Variants in ESR2 observed in about 807,000 individuals in gnomAD.
ESR2 encodes estrogen receptor beta.
Under a neutral mutation model 49.6 loss-of-function variants are expected in ESR2, and 36 were observed. That is an observed-to-expected ratio of 0.73 (90% confidence interval 0.56 to 0.96). The LOEUF is 0.96. Ranked by LOEUF, ESR2 falls within the 40% of genes least tolerant of loss-of-function variation. The pLI, the probability that ESR2 is intolerant of heterozygous loss-of-function variation, is 0.00. For missense variants in ESR2, 714 were observed against 693.0 expected (o/e 1.03, Z -0.34); for synonymous variants, 320 against 266.1 (o/e 1.20, Z -1.97).
intron 6 of ESR2, among the ~76,000 whole-genome samples, chr14:64,251,875 A>G (rs1278174221): frequency 1.3e-5 from 2 of 152,286 alleles, no homozygotes; most frequent in Non-Finnish European, 2.9e-5. Context: ...CGTAAATGAC[A>G]GCCCAGTAAA....
At chr14:64,302,098 G>A (rs972434618) in intron 1 of ESR2, among the ~76,000 whole-genome samples, 1 of 152,128 alleles carries the variant, frequency 6.6e-6, no homozygotes, top group Non-Finnish European at 1.5e-5. Flanking sequence ...GTAATTTGCA[G>A]CAGTGTTTCT....
chr14:64,268,974 G>C, intron 3 of ESR2, 63 bp from the exon 4 acceptor site: 1 of 944,478 alleles, frequency 1.1e-6, no homozygotes, highest in Non-Finnish European at 1.7e-6. Flanking sequence ...ATCTCTTCCT[G>C]GTCAACAACA....
Position 64,231,572 on chromosome 14 carries a change from T to C in ESR2, c.*1565A>G, listed in dbSNP as rs2098727269. ...TAAAATTGCACCAATATCAAAATTA[T>C]GGATTATTCGAGGTCTTACTAGCAA... On this transcript the variant is annotated 3_prime_UTR_variant, in exon 9 of 9. Transcript: ENST00000341099. 1 of 152,232 alleles carries C rather than the reference T, an allele frequency of 6.6e-6. No individual in the cohort carries two copies. Among genetic ancestry groups the C allele is most frequent in the Non-Finnish European group, 1.5e-5 (1 of 68,048 alleles). The allele number at this position is 152,232 out of a possible 1,614,324, so 9.4% of individuals were successfully genotyped here.
chr14:64,320,826 C>T (rs530641217), intron 1 of ESR2, among the ~76,000 whole-genome samples: 70 of 152,150 alleles, frequency 4.6e-4, no homozygotes, highest in African/African-American at 1.6e-3. Flanking sequence ...ACCCAGGAGG[C>T]GGAGGTTGCA....
chr14:64,304,285 G>A (rs1383380628), intron 1 of ESR2, among the ~76,000 whole-genome samples: 2 of 152,116 alleles, frequency 1.3e-5, no homozygotes, highest in Non-Finnish European at 2.9e-5. Context: ...CAGCCTGGGC[G>A]ACAGAGCAAG....
intron 1 of ESR2, among the ~76,000 whole-genome samples, chr14:64,285,128 C>A (rs2076763162): frequency 6.6e-6 from 1 of 152,150 alleles, no homozygotes; most frequent in Admixed American, 6.5e-5. Flanking sequence ...GGATTACAGG[C>A]GTGAGCCACT....
At chr14:64,295,212 A>G (rs2076941691), upstream of ESR2, among the ~76,000 whole-genome samples, 1 of 152,178 alleles carries the variant, frequency 6.6e-6, no homozygotes, top group African/African-American at 2.4e-5. Flanking sequence ...CCCCAGTGTC[A>G]CATCTGTGCC....
At chr14:64,259,955 C>G in intron 5 of ESR2, among the ~76,000 whole-genome samples, 1 of 152,222 alleles carries the variant, frequency 6.6e-6, no homozygotes, top group Middle Eastern at 3.4e-3. Flanking sequence ...TAACCACGTT[C>G]CAGGTTCCAG....
rs1379751230 is a variant in ESR2, at chr14:64,233,169, T to C, written c.1561A>G (p.Lys521Glu). ...GACTGTGGGTTCTGGGAGCCCTCTT[T>C]GCTTTTACTGTCCTCTGCCGGGCTG... Reference protein sequence around the residue: ...ECSPAEDSKSKEGSQNPQSQ With the variant: ...ECSPAEDSKSEEGSQNPQSQ Residue 521 changes from lysine (K) to glutamate (E), a missense_variant, in exon 9 of 9, where the codon AAA becomes GAA. Coordinates refer to ENST00000341099, the MANE Select transcript of ESR2 (RefSeq NM_001437.3). 6.2e-7 allele frequency: 1 copy of C among 1,613,874 alleles called. No homozygotes were observed. Among genetic ancestry groups the C allele is most frequent in the Non-Finnish European group, 8.5e-7 (1 of 1,179,912 alleles).
chr14:64,279,390 T>TA (rs141837265), intron 3 of ESR2, among the ~76,000 whole-genome samples: 11,246 of 148,982 alleles, frequency 0.075, 470 homozygotes, highest in Non-Finnish European at 0.09. Context: ...CAAGTTGATT[T>TA]AAAAAAAAAA....
At chr14:64,328,992 T>A (rs1348186260) in intron 1 of ESR2, among the ~76,000 whole-genome samples, 1 of 152,118 alleles carries the variant, frequency 6.6e-6, no homozygotes, top group Non-Finnish European at 1.5e-5. Flanking sequence ...GTTGTAGATA[T>A]TTTAAAATAT....
rs146390570 is a variant in ESR2 at position 64,259,307 on chromosome 14, G to A, written c.952+1142C>T. Reference sequence around the variant, plus strand: ...TGTCACCATAGGCCTCAGTTCCCCAGGCTCTTTACCCAAAACTTCTCTTCC... The same window carrying A: ...TGTCACCATAGGCCTCAGTTCCCCAAGCTCTTTACCCAAAACTTCTCTTCC... On this transcript the variant is annotated intron_variant, in intron 5 of 8. Coordinates refer to ENST00000341099, the MANE Select transcript of ESR2 (RefSeq NM_001437.3). 2.0e-5 allele frequency among the ~76,000 whole-genome samples: 3 copies of A among 152,298 alleles called. No homozygotes were observed. In the East Asian group the frequency reaches 5.8e-4, roughly 29 times the overall value.
intron 7 of ESR2, among the ~76,000 whole-genome samples, chr14:64,237,456 G>T (rs555541401): frequency 6.6e-6 from 1 of 152,314 alleles, no homozygotes; most frequent in Non-Finnish European, 1.5e-5. Flanking sequence ...TCAGCTGCAT[G>T]ACATGTGCTC....
At chr14:64,309,811 G>C (rs2077162699) in intron 1 of ESR2, among the ~76,000 whole-genome samples, 1 of 151,890 alleles carries the variant, frequency 6.6e-6, no homozygotes, top group Admixed American at 6.6e-5. Context: ...CTCTGGCCAG[G>C]CGCGGTGGCT....
chr14:64,309,815 G>C (rs1054049287), intron 1 of ESR2, among the ~76,000 whole-genome samples: 1 of 151,856 alleles, frequency 6.6e-6, no homozygotes, highest in Non-Finnish European at 1.5e-5. Context: ...GGCCAGGCGC[G>C]GTGGCTCACG....
At chr14:64,245,585 C>T (rs1393801672) in intron 7 of ESR2, among the ~76,000 whole-genome samples, 1 of 151,308 alleles carries the variant, frequency 6.6e-6, no homozygotes. Flanking sequence ...TCGTTTACTG[C>T]CACAAGTGGT....
chr14:64,319,471 A>C (rs1406727572), intron 1 of ESR2, among the ~76,000 whole-genome samples: 1 of 152,192 alleles, frequency 6.6e-6, no homozygotes, highest in East Asian at 1.9e-4. Flanking sequence ...AGAGACTATT[A>C]AGAAAATAAA....
chr14:64,257,447 A>G (rs1364970807), intron 5 of ESR2, 83 bp from the exon 6 acceptor site: 16 of 1,528,218 alleles, frequency 1.0e-5, no homozygotes, highest in Non-Finnish European at 1.4e-5. Flanking sequence ...GGCAAGTGTT[A>G]AAACACTAAG....
intron 8 of ESR2, chr14:64,234,750 C>A: frequency 9.6e-7 from 1 of 1,043,148 alleles, no homozygotes; most frequent in South Asian, 1.9e-5. Context: ...TGAGCCACCA[C>A]TGGCTGCCAT....
Sources: gnomAD v4.1 joint callset for allele counts (sites outside exome capture counted in the v4.1 genomes callset) on GRCh38, gnomAD v4.1.1 for gene constraint, MANE v1.5 for transcripts, NCBI Gene and HGNC (gene_info 2026-07-23, HGNC 2026-07-21) for gene names.